Variants in RTN4RL1 observed in about 807,000 individuals in gnomAD.
The protein encoded by RTN4RL1 is reticulon 4 receptor like 1, also known as reticulon-4 receptor-like 1.
In RTN4RL1, 7 loss-of-function variants were observed where a neutral mutation model predicts 25.6. The observed-to-expected ratio is 0.27, with a 90% CI of 0.16 to 0.51. The LOEUF (loss-of-function observed/expected upper bound fraction) is 0.51. Ranked by LOEUF, RTN4RL1 falls within the 20% of genes least tolerant of loss-of-function variation. The pLI is 0.97. For synonymous variants in RTN4RL1, 297 were observed against 288.2 expected (o/e 1.03, Z -0.31); for missense variants, 500 against 615.6 (o/e 0.81, Z 1.99).
chr17:2,013,694 GAACATAAATACGCCAGCTCCCTCACCCT>G (rs2067082235), intron 1 of RTN4RL1, among the ~76,000 whole-genome samples: 1 of 111,420 alleles, frequency 9.0e-6, no homozygotes, highest in African/African-American at 3.7e-5. Flanking sequence ...TCTCACCCTG[GAACATAAATACGCCAGCTCCCTCACCCT>G]GGAACATAAA....
At chr17:2,021,800 C>CTG (rs2067208526) in intron 1 of RTN4RL1, among the ~76,000 whole-genome samples, 1 of 151,026 alleles carries the variant, frequency 6.6e-6, no homozygotes, top group Admixed American at 6.6e-5. Flanking sequence ...GGTGATCCTC[C>CTG]CAACTCGGCC....
intron 1 of RTN4RL1, among the ~76,000 whole-genome samples, chr17:2,021,085 A>G (rs564580709): frequency 8.5e-5 from 13 of 152,148 alleles, no homozygotes; most frequent in Non-Finnish European, 1.6e-4. Context: ...AGCTACCAGC[A>G]CTGTCAGCAG....
At chr17:1,961,115 A>G (rs1242118519) in intron 1 of RTN4RL1, among the ~76,000 whole-genome samples, 1 of 152,206 alleles carries the variant, frequency 6.6e-6, no homozygotes, top group East Asian at 1.9e-4. Context: ...GCACCCAGGT[A>G]GTGCTCAGCA....
intron 1 of RTN4RL1, among the ~76,000 whole-genome samples, chr17:1,969,221 G>A (rs962143191): frequency 6.6e-6 from 1 of 151,942 alleles, no homozygotes; most frequent in Admixed American, 6.6e-5. Context: ...ACCACATCCA[G>A]CTAATTTTTT....
At chr17:1,952,820 T>A (rs558534108) in intron 1 of RTN4RL1, among the ~76,000 whole-genome samples, 9 of 151,238 alleles carry the variant, frequency 6.0e-5, no homozygotes, top group African/African-American at 1.2e-4. Flanking sequence ...CAGGAGCATG[T>A]AATCCCAGCA....
chr17:1,984,882 G>A (rs1229445072), intron 1 of RTN4RL1, among the ~76,000 whole-genome samples: 3 of 152,086 alleles, frequency 2.0e-5, no homozygotes, highest in South Asian at 2.1e-4. Context: ...CAGGTGAATC[G>A]CTTGAACCCA....
chr17:1,961,408 G>A (rs539193179), intron 1 of RTN4RL1, among the ~76,000 whole-genome samples: 41 of 152,338 alleles, frequency 2.7e-4, no homozygotes, highest in African/African-American at 7.9e-4. Context: ...CAGCAGTCAC[G>A]GTAGGAGTCA....
intron 1 of RTN4RL1, among the ~76,000 whole-genome samples, chr17:1,979,722 G>A (rs1278218021): frequency 6.6e-6 from 1 of 152,222 alleles, no homozygotes; most frequent in Non-Finnish European, 1.5e-5. Flanking sequence ...GACAGACCAG[G>A]ACAGAAAAGG....
chr17:1,936,271 G>T lies in RTN4RL1; in HGVS notation c.*225C>A. On this transcript the variant is annotated 3_prime_UTR_variant, in exon 2 of 2. Coordinates refer to ENST00000331238, the MANE Select transcript of RTN4RL1 (RefSeq NM_178568.4). Reference sequence around the variant, plus strand: ...ACACTGTCCGTGGGCGCTCTGCGGGGCTGGCTGGGACAGCCGGCTGAGAAG... The same window carrying T: ...ACACTGTCCGTGGGCGCTCTGCGGGTCTGGCTGGGACAGCCGGCTGAGAAG... 2.2e-6 allele frequency: 3 copies of T among 1,371,664 alleles called. No individual in the cohort carries two copies. Among genetic ancestry groups the T allele is most frequent in the South Asian group, 3.5e-5 (2 of 56,590 alleles). 85.0% of individuals were successfully genotyped at this position (1,371,664 alleles called of 1,614,324 possible).
rs1237467590 is a variant in RTN4RL1, at chr17:1,936,255, G to A, written c.*241C>T. ...CACCTTGCCAGAGTGGACACTGTCC[G>A]TGGGCGCTCTGCGGGGCTGGCTGGG... On this transcript the variant is annotated 3_prime_UTR_variant, in exon 2 of 2. Coordinates refer to ENST00000331238, the MANE Select transcript of RTN4RL1 (RefSeq NM_178568.4). 6.6e-6 allele frequency: 9 copies of A among 1,360,166 alleles called. No individual in the cohort carries two copies. The highest frequency in any genetic ancestry group is 3.6e-5 in the South Asian group (2 of 55,008). 84.3% of individuals were successfully genotyped at this position (1,360,166 alleles called of 1,614,324 possible).
chr17:1,983,235 AG>A lies in RTN4RL1; in HGVS notation c.13+41617del, dbSNP rs551942242. On this transcript the variant is annotated intron_variant, in intron 1 of 1. Transcript: ENST00000331238. ...TAATTTTTGTGTTTTTAGTAGAGAC[AG>A]GGTTTCACCATGTTGTACAGTCTGA... Among the ~76,000 whole-genome samples, 55 of 152,174 alleles carry A rather than the reference AG, an allele frequency of 3.6e-4. 1 individual carries two copies. Among genetic ancestry groups the A allele is most frequent in the African/African-American group, 1.2e-3 (50 of 41,534 alleles).
intron 1 of RTN4RL1, among the ~76,000 whole-genome samples, chr17:1,940,948 C>T (rs1391390188): frequency 4.6e-5 from 7 of 152,194 alleles, no homozygotes; most frequent in Non-Finnish European, 5.9e-5. Flanking sequence ...AAAGCCATTT[C>T]GTCCCTTGGG....
At chr17:1,951,297 A>C (rs1340505864) in intron 1 of RTN4RL1, among the ~76,000 whole-genome samples, 1 of 152,132 alleles carries the variant, frequency 6.6e-6, no homozygotes, top group Non-Finnish European at 1.5e-5. Flanking sequence ...ATTAACAAAA[A>C]ATAGTAAACA....
intron 1 of RTN4RL1, among the ~76,000 whole-genome samples, chr17:1,991,457 A>C (rs1308905302): frequency 1.4e-5 from 2 of 145,780 alleles, no homozygotes; most frequent in East Asian, 2.0e-4. Flanking sequence ...AAAAAAAAAA[A>C]AAAAAACAAA....
At chr17:1,972,621 G>T (rs546256986) in intron 1 of RTN4RL1, among the ~76,000 whole-genome samples, 4 of 152,212 alleles carry the variant, frequency 2.6e-5, no homozygotes, top group Admixed American at 2.0e-4. Flanking sequence ...ACCCTAGCCT[G>T]CCCCAGACTC....
Position 1,959,721 on chromosome 17 carries a change from C to T in RTN4RL1, c.14-21913G>A, listed in dbSNP as rs529250481. Among the ~76,000 whole-genome samples, 3 of 152,140 alleles carry T rather than the reference C, an allele frequency of 2.0e-5. No individual in the cohort carries two copies. The East Asian group carries it at 5.8e-4, about 29-fold the overall frequency. On this transcript the variant is annotated intron_variant, in intron 1 of 1. Coordinates refer to ENST00000331238, the MANE Select transcript of RTN4RL1 (RefSeq NM_178568.4). ...CTGGGATTACAGGCACCCGCCACCA[C>T]GCCCAGCTAATTTTTGTATTTTTAG...
chr17:1,961,597 G>A (rs1440023344), intron 1 of RTN4RL1, among the ~76,000 whole-genome samples: 1 of 151,772 alleles, frequency 6.6e-6, no homozygotes, highest in East Asian at 1.9e-4. Context: ...TCCCACTCTT[G>A]TCCTAGTGTG....
chr17:1,971,776 C>T (rs1371855496), intron 1 of RTN4RL1, among the ~76,000 whole-genome samples: 2 of 151,882 alleles, frequency 1.3e-5, no homozygotes, highest in South Asian at 2.1e-4. Context: ...TCCTAGCTAA[C>T]ATGGTGAAAC....
intron 1 of RTN4RL1, among the ~76,000 whole-genome samples, chr17:1,990,682 T>C (rs1005443896): frequency 1.6e-4 from 25 of 152,162 alleles, no homozygotes; most frequent in African/African-American, 5.1e-4. Flanking sequence ...GCCTGGGCAA[T>C]AGAGCAAGAC....
Sources: gnomAD v4.1 joint callset for allele counts (sites outside exome capture counted in the v4.1 genomes callset) on GRCh38, gnomAD v4.1.1 for gene constraint, MANE v1.5 for transcripts, NCBI Gene and HGNC (gene_info 2026-07-23, HGNC 2026-07-21) for gene names.